SNX14: variants seen among roughly 807,000 people sequenced by gnomAD.
SNX14 encodes the protein sorting nexin-14.
In SNX14, 93 loss-of-function variants were observed where a neutral mutation model predicts 133.8. The observed-to-expected ratio is 0.70, with a 90% CI of 0.59 to 0.83. The LOEUF is 0.83. Among genes scored for constraint, SNX14 ranks in the 40% least tolerant of loss-of-function variants. The pLI is 0.00. For missense variants in SNX14, 945 were observed against 1,094.9 expected (o/e 0.86, Z 1.93); for synonymous variants, 368 against 365.6 (o/e 1.01, Z -0.07).
intron 1 of SNX14, 82 bp downstream of exon 1, chr6:85,593,497 C>A: frequency 1.3e-6 from 2 of 1,490,644 alleles, no homozygotes; most frequent in Non-Finnish European, 9.0e-7. Context: ...GCTACGCGGC[C>A]TCCGCACGGT....
intron 8 of SNX14, among the ~76,000 whole-genome samples, chr6:85,548,891 C>T (rs148291792): frequency 1.5e-3 from 230 of 150,220 alleles, no homozygotes; most frequent in African/African-American, 5.2e-3. Flanking sequence ...CGCTTGAATC[C>T]GGCAGGCAGA....
chr6:85,593,428 T>G, intron 1 of SNX14, 151 bp downstream of exon 1: 7 of 1,238,022 alleles, frequency 5.7e-6, no homozygotes, highest in African/African-American at 1.6e-5. Context: ...CGCTCCGCCG[T>G]GCTCCCCGAG....
chr6:85,512,246 C>G (rs1166313710), intron 26 of SNX14, among the ~76,000 whole-genome samples: 2 of 152,140 alleles, frequency 1.3e-5, no homozygotes, highest in African/African-American at 4.8e-5. Flanking sequence ...CTTCTGGCCC[C>G]CTTGCCAGAA....
chr6:85,593,478 A>G, intron 1 of SNX14, 101 bp downstream of exon 1: 1 of 1,456,594 alleles, frequency 6.9e-7, no homozygotes, highest in South Asian at 1.4e-5. Flanking sequence ...ACTGGTCCCC[A>G]GTCCCGCAGC....
At position 85,593,426 on chromosome 6, in the gene SNX14, C is replaced by G. The variant is rs113621402; in HGVS notation, c.140+153G>C. The stretch of plus-strand genomic sequence containing the variant: ...TGTGCTTCCGGCCTCGACGCTCCGC[C>G]GTGCTCCCCGAGGCCGCTCCTCTGC... On this transcript the variant is annotated intron_variant, in intron 1 of 28. Transcript: ENST00000314673. Among the ~76,000 whole-genome samples the G allele has an allele frequency of 0.014, 2,205 of 152,346 alleles. 50 individuals are homozygous for G. The highest frequency in any genetic ancestry group is 0.051 in the African/African-American group (2,109 of 41,576).
At chr6:85,507,810 G>A (rs1219125454) in intron 27 of SNX14, among the ~76,000 whole-genome samples, 158 bp downstream of exon 27, 5 of 151,960 alleles carry the variant, frequency 3.3e-5, no homozygotes, top group Admixed American at 2.6e-4. Context: ...AACAAAAAGA[G>A]TAACTCAAAT....
chr6:85,526,723 T>C (rs1778596287), intron 20 of SNX14, among the ~76,000 whole-genome samples: 2 of 152,184 alleles, frequency 1.3e-5, no homozygotes, highest in Non-Finnish European at 2.9e-5. Context: ...TGGGGAAATG[T>C]GAAATAACTT....
At chr6:85,530,344 A>G in intron 18 of SNX14, 69 bp from the exon 19 acceptor site, 2 of 1,054,488 alleles carry the variant, frequency 1.9e-6, no homozygotes, top group South Asian at 3.0e-5. Flanking sequence ...CATATTTAAA[A>G]CATTAAGAAT....
intron 21 of SNX14, among the ~76,000 whole-genome samples, chr6:85,523,696 C>A (rs559131352): frequency 6.6e-6 from 1 of 151,952 alleles, no homozygotes; most frequent in Non-Finnish European, 1.5e-5. Context: ...GCCCAGAAGG[C>A]AGAAGTTGCA....
At chr6:85,548,088 G>C (rs186079445) in intron 9 of SNX14, among the ~76,000 whole-genome samples, 5 of 152,284 alleles carry the variant, frequency 3.3e-5, no homozygotes, top group African/African-American at 1.2e-4. Context: ...TGCCAGGGGG[G>C]GCTGGAGGGA....
At chr6:85,545,006 G>C (rs1236631397) in intron 12 of SNX14, among the ~76,000 whole-genome samples, 1 of 152,146 alleles carries the variant, frequency 6.6e-6, no homozygotes, top group Non-Finnish European at 1.5e-5. Context: ...TGGTTTTATA[G>C]CCTATGCAGA....
At chr6:85,561,051 A>T (rs1791377426) in intron 6 of SNX14, among the ~76,000 whole-genome samples, 1 of 149,072 alleles carries the variant, frequency 6.7e-6, no homozygotes. Context: ...AAAAAAAAAA[A>T]GGCTGGGCAC....
intron 19 of SNX14, 86 bp from the exon 20 acceptor site, chr6:85,528,448 C>A: frequency 1.0e-6 from 1 of 998,330 alleles, no homozygotes; most frequent in Non-Finnish European, 1.5e-6. Flanking sequence ...TACTATGGCA[C>A]ATTCAGATTA....
intron 1 of SNX14, among the ~76,000 whole-genome samples, chr6:85,583,485 T>C (rs988650570): frequency 6.6e-6 from 1 of 152,198 alleles, no homozygotes; most frequent in Non-Finnish European, 1.5e-5. Context: ...GATGACATGA[T>C]TGTATATTTA....
intron 8 of SNX14, among the ~76,000 whole-genome samples, chr6:85,549,498 T>TA (rs1786987247): frequency 1.3e-5 from 2 of 152,122 alleles, no homozygotes; most frequent in East Asian, 3.8e-4. Flanking sequence ...AGATCAGTTT[T>TA]AAAGAAAAAT....
At chr6:85,519,937 G>A (rs1776273360) in intron 21 of SNX14, among the ~76,000 whole-genome samples, 1 of 152,044 alleles carries the variant, frequency 6.6e-6, no homozygotes, top group South Asian at 2.1e-4. Context: ...AGGCAATAGT[G>A]TGAGACTCTG....
intron 18 of SNX14, 66 bp downstream of exon 18, chr6:85,533,533 C>A: frequency 6.8e-7 from 1 of 1,479,044 alleles, no homozygotes; most frequent in South Asian, 1.3e-5. Flanking sequence ...AAATGTTTAT[C>A]ATACCTGATA....
At chr6:85,573,924 A>G (rs915772100) in intron 2 of SNX14, among the ~76,000 whole-genome samples, 1 of 152,146 alleles carries the variant, frequency 6.6e-6, no homozygotes, top group Non-Finnish European at 1.5e-5. Flanking sequence ...AACTTTCTGA[A>G]ACTTTTGTAC....
chr6:85,573,368 T>C (rs1796293375), intron 2 of SNX14, among the ~76,000 whole-genome samples: 1 of 152,130 alleles, frequency 6.6e-6, no homozygotes, highest in Admixed American at 6.5e-5. Context: ...TAATCTCAGT[T>C]ACATGGAAGG....
Sources: gnomAD v4.1 joint callset for allele counts (sites outside exome capture counted in the v4.1 genomes callset) on GRCh38, gnomAD v4.1.1 for gene constraint, MANE v1.5 for transcripts, NCBI Gene and HGNC (gene_info 2026-07-23, HGNC 2026-07-21) for gene names.